The following ADCY5 variants were observed in gnomAD, a reference collection of about 807,000 sequenced individuals.
The protein encoded by ADCY5 is adenylate cyclase 5.
Under a neutral mutation model 119.7 loss-of-function variants are expected in ADCY5, and 30 were observed. That is an observed-to-expected ratio of 0.25 (90% CI 0.19 to 0.34). ADCY5 has a LOEUF of 0.34. Among genes scored for constraint, ADCY5 ranks in the 10% least tolerant of loss-of-function variants. ADCY5 has a pLI of 1.00. For synonymous variants in ADCY5, 753 were observed against 762.2 expected, an observed-to-expected ratio of 0.99 and a Z score of 0.20; for missense variants, 1,324 against 1,775.2, an observed-to-expected ratio of 0.75 and a Z score of 4.57.
At position 123,319,506 on chromosome 3, in the gene ADCY5, C is replaced by G. The variant is rs916638920; in HGVS notation, c.2256+168G>C. Among the ~76,000 whole-genome samples the G allele has an allele frequency of 2.0e-5, 3 of 152,148 alleles. No homozygotes were observed. In the South Asian group the frequency reaches 6.2e-4, roughly 31 times the overall value. Reference sequence around the variant, plus strand: ...GGTGTATCCCTTCCAACCAGGGAAGCCTCCCTAGAACTCGCATCTCTCTAG... The same window carrying G: ...GGTGTATCCCTTCCAACCAGGGAAGGCTCCCTAGAACTCGCATCTCTCTAG... On this transcript the variant is annotated intron_variant, in intron 10 of 20. Transcript: ENST00000462833.
At chr3:123,433,934 C>T (rs973121030) in intron 1 of ADCY5, among the ~76,000 whole-genome samples, 1 of 152,132 alleles carries the variant, frequency 6.6e-6, no homozygotes, top group Non-Finnish European at 1.5e-5. Context: ...TCCCAGCTGC[C>T]CCCTAAACAA....
chr3:123,309,775 G>T (rs1362876633), intron 12 of ADCY5, among the ~76,000 whole-genome samples: 1 of 152,096 alleles, frequency 6.6e-6, no homozygotes, highest in African/African-American at 2.4e-5. Context: ...CAGGGGGAAA[G>T]GTAAACATGG....
chr3:123,321,081 G>C (rs564498017), intron 8 of ADCY5, among the ~76,000 whole-genome samples: 2 of 151,908 alleles, frequency 1.3e-5, no homozygotes, highest in African/African-American at 4.8e-5. Context: ...ATCTCTCCTC[G>C]CCATCCTCCT....
chr3:123,424,855 A>G (rs900292425), intron 1 of ADCY5, among the ~76,000 whole-genome samples: 2 of 152,238 alleles, frequency 1.3e-5, no homozygotes, highest in Non-Finnish European at 2.9e-5. Context: ...GTGAATGGCA[A>G]AAATAGCCTC....
intron 3 of ADCY5, among the ~76,000 whole-genome samples, chr3:123,347,029 G>A (rs1356045293): frequency 2.6e-5 from 4 of 152,134 alleles, no homozygotes; most frequent in South Asian, 2.1e-4. Context: ...GCTCTGGAGC[G>A]GCCACTTGGG....
intron 1 of ADCY5, among the ~76,000 whole-genome samples, chr3:123,365,360 T>A (rs1943395237): frequency 6.6e-6 from 1 of 152,158 alleles, no homozygotes; most frequent in Non-Finnish European, 1.5e-5. Flanking sequence ...TTGGGTAGAT[T>A]AAATTGACAG....
intron 11 of ADCY5, 66 bp from the exon 12 acceptor site, chr3:123,314,388 C>T: frequency 1.5e-6 from 2 of 1,335,240 alleles, no homozygotes; most frequent in Admixed American, 3.9e-5. Context: ...TTCTGGGGGA[C>T]CTGCCTGGCA....
Position 123,286,272 on chromosome 3 carries a change from C to T in ADCY5, c.3657+413G>A, listed in dbSNP as rs1369179015. 6.6e-6 allele frequency among the ~76,000 whole-genome samples: 1 copy of T among 152,164 alleles called. No individual in the cohort carries two copies. The highest frequency in any genetic ancestry group is 2.4e-5 in the African/African-American group (1 of 41,454). On this transcript the variant is annotated intron_variant, in intron 20 of 20. Transcript: ENST00000462833. This position sits in a 1 kb window ranked among gnomAD's most constrained non-coding sequence, Gnocchi z 4.2. ...AGGTACCATCCCAGGGCCAGCAGCC[C>T]CCACTGGCTCTCCTGAGCCAGGCCA... is the stretch of plus-strand genomic sequence containing the variant.
At chr3:123,311,001 G>A (rs1940540364) in intron 12 of ADCY5, among the ~76,000 whole-genome samples, 1 of 152,162 alleles carries the variant, frequency 6.6e-6, no homozygotes, top group Non-Finnish European at 1.5e-5. Context: ...CAGAGAAGAC[G>A]ACTCACTCTG....
intron 3 of ADCY5, among the ~76,000 whole-genome samples, chr3:123,342,757 G>GA (rs1377620733): frequency 6.6e-6 from 1 of 151,950 alleles, no homozygotes; most frequent in Non-Finnish European, 1.5e-5. Flanking sequence ...AGTCAGTGCA[G>GA]GGTCATCCAC....
intron 1 of ADCY5, among the ~76,000 whole-genome samples, chr3:123,434,017 T>A (rs947569180): frequency 6.6e-6 from 1 of 152,004 alleles, no homozygotes; most frequent in Non-Finnish European, 1.5e-5. Context: ...CCAGACACCA[T>A]GGGGAAAGGA....
chr3:123,299,379 T>C (rs1939700871), intron 15 of ADCY5, among the ~76,000 whole-genome samples: 1 of 152,222 alleles, frequency 6.6e-6, no homozygotes, highest in Admixed American at 6.5e-5. Flanking sequence ...TTAGTTTGGG[T>C]TGACAATATT....
chr3:123,311,036 C>T (rs967750470), intron 12 of ADCY5, among the ~76,000 whole-genome samples: 13 of 152,274 alleles, frequency 8.5e-5, no homozygotes, highest in African/African-American at 2.6e-4. Context: ...TTTCTCTCTT[C>T]GAAAAGGTTA....
chr3:123,335,166 C>T (rs1045454043), intron 3 of ADCY5, among the ~76,000 whole-genome samples: 20 of 152,146 alleles, frequency 1.3e-4, no homozygotes, highest in African/African-American at 3.6e-4. Context: ...ACCGAGCCAG[C>T]GCAAAGACAT....
chr3:123,306,045 G>A (rs1303113740), intron 12 of ADCY5, among the ~76,000 whole-genome samples: 1 of 152,236 alleles, frequency 6.6e-6, no homozygotes, highest in Non-Finnish European at 1.5e-5. Context: ...CAAGCCTGTG[G>A]CACATGTTCT....
At chr3:123,435,639 T>TA (rs1559878134) in intron 1 of ADCY5, among the ~76,000 whole-genome samples, 1 of 151,956 alleles carries the variant, frequency 6.6e-6, no homozygotes, top group Non-Finnish European at 1.5e-5. Flanking sequence ...TGCCACCTTA[T>TA]AACAGCAGCT....
intron 8 of ADCY5, among the ~76,000 whole-genome samples, chr3:123,325,086 G>C (rs945875659): frequency 6.6e-6 from 1 of 152,254 alleles, no homozygotes. Flanking sequence ...AGGAAGGGGT[G>C]CTGCCAGTCT....
intron 1 of ADCY5, among the ~76,000 whole-genome samples, chr3:123,445,490 G>T (rs1945798475): frequency 1.3e-5 from 2 of 152,116 alleles, no homozygotes. Flanking sequence ...TGGATGACAT[G>T]CCCCTTCCTC....
chr3:123,297,237 TCTC>T lies in ADCY5; in HGVS notation c.2930+113_2930+115del, dbSNP rs1939573572. On this transcript the variant is annotated intron_variant, in intron 16 of 20. Coordinates refer to ENST00000462833, the MANE Select transcript of ADCY5 (RefSeq NM_183357.3). ...ACCAGCCTCCCTGTCCTGTTGGCCT[TCTC>T]CTTCACTACCCACCTTGCCACCAAG... 4.1e-6 allele frequency: 6 copies of T among 1,463,004 alleles called. No individual in the cohort carries two copies. The South Asian group carries it at 5.7e-5, about 14-fold the overall frequency. 90.6% of individuals were successfully genotyped at this position (1,463,004 alleles called of 1,614,324 possible).
Sources: gnomAD v4.1 joint callset for allele counts (sites outside exome capture counted in the v4.1 genomes callset) on GRCh38, gnomAD v4.1.1 for gene constraint, Gnocchi (gnomAD v3.1) non-coding constraint, MANE v1.5 for transcripts, NCBI Gene and HGNC (gene_info 2026-07-23, HGNC 2026-07-21) for gene names.